The following SLTM variants were observed in gnomAD, a reference collection of about 807,000 sequenced individuals.
SLTM encodes SAFB-like transcription modulator.
SLTM carries 43 observed loss-of-function variants against 134.6 expected under a neutral mutation model. That is an observed-to-expected ratio of 0.32 (90% CI 0.25 to 0.41). SLTM has a LOEUF of 0.41. Among genes scored for constraint, SLTM ranks in the 10% least tolerant of loss-of-function variants. The probability of loss-of-function intolerance (pLI) is 1.00; values close to 1 mark genes in which losing one functional copy is unlikely to be tolerated. For missense variants in SLTM, 1,055 were observed against 1,288.8 expected, an observed-to-expected ratio of 0.82 and a Z score of 2.78; for synonymous variants, 424 against 432.3, an observed-to-expected ratio of 0.98 and a Z score of 0.24.
At chr15:58,883,212 G>A (rs1382262252) in intron 20 of SLTM, among the ~76,000 whole-genome samples, 1 of 152,222 alleles carries the variant, frequency 6.6e-6, no homozygotes, top group African/African-American at 2.4e-5. Context: ...CTACTTGGGA[G>A]GCTGAGATGA....
chr15:58,918,954 G>A lies in SLTM; in HGVS notation c.251-1955C>T, dbSNP rs186258861. Among the ~76,000 whole-genome samples the A allele has an allele frequency of 3.4e-3, 503 of 149,636 alleles. 1 individual carries two copies. The highest frequency in any genetic ancestry group is 5.0e-3 in the Non-Finnish European group (336 of 67,644). ...CCTGAGACAAGAGTCTTGCTCTGTC[G>A]CCCAGGGTGGAAGGCAGTGGCGCAA... On this transcript the variant is annotated intron_variant, in intron 2 of 20. Transcript: ENST00000380516.
intron 9 of SLTM, 83 bp downstream of exon 9, chr15:58,897,032 A>G: frequency 1.3e-6 from 1 of 795,080 alleles, no homozygotes; most frequent in Non-Finnish European, 2.2e-6. Context: ...ATTAGAAGAT[A>G]TTCATGTAAT....
chr15:58,914,553 C>G, intron 3 of SLTM, among the ~76,000 whole-genome samples: 1 of 152,006 alleles, frequency 6.6e-6, no homozygotes, highest in East Asian at 1.9e-4. Context: ...TCTTGTTTGA[C>G]CAAATGTACT....
intron 10 of SLTM, 21 bp from the exon 11 acceptor site, chr15:58,894,214 A>G: frequency 6.4e-7 from 1 of 1,564,104 alleles, no homozygotes; most frequent in Non-Finnish European, 8.8e-7. Context: ...CGAACCAGAA[A>G]AACAATTTGT....
At chr15:58,885,733 G>A (rs770644020) in intron 19 of SLTM, among the ~76,000 whole-genome samples, 1 of 152,012 alleles carries the variant, frequency 6.6e-6, no homozygotes, top group Admixed American at 6.6e-5. Flanking sequence ...GCCGTGAGCC[G>A]AGATCGCACC....
chr15:58,912,319 T>G (rs1344602985), intron 5 of SLTM, among the ~76,000 whole-genome samples: 1 of 152,142 alleles, frequency 6.6e-6, no homozygotes, highest in African/African-American at 2.4e-5. Flanking sequence ...CAGGATGGTC[T>G]CGATCTCCTG....
chr15:58,893,396 TA>T, intron 12 of SLTM, 32 bp from the exon 13 acceptor site: 1 of 1,482,086 alleles, frequency 6.7e-7, no homozygotes. Flanking sequence ...AAACAATGTC[TA>T]AAATTTTTCA....
In SLTM at chr15:58,922,012, C is replaced by T. The variant is rs112788661; in HGVS notation, c.251-5013G>A. On this transcript the variant is annotated intron_variant, in intron 2 of 20. Coordinates refer to ENST00000380516, the MANE Select transcript of SLTM (RefSeq NM_024755.4). ...CTAGTCTCGAACTCCTGACTCCAGC[C>T]GACTATATTGTAATTTCTTATTTTG... Among the ~76,000 whole-genome samples, 1,112 of 151,906 alleles carry T rather than the reference C, an allele frequency of 7.3e-3. 12 individuals carry two copies. Among genetic ancestry groups the T allele is most frequent in the African/African-American group, 0.025 (1,032 of 41,416 alleles).
chr15:58,919,161 C>A (rs2036847902), intron 2 of SLTM, among the ~76,000 whole-genome samples: 1 of 152,216 alleles, frequency 6.6e-6, no homozygotes, highest in Non-Finnish European at 1.5e-5. Context: ...GATCCACCCA[C>A]CTCGGCCTCC....
intron 3 of SLTM, among the ~76,000 whole-genome samples, chr15:58,914,950 T>C (rs1252075546): frequency 2.6e-5 from 4 of 152,170 alleles, no homozygotes; most frequent in African/African-American, 9.7e-5. Context: ...ATTCCTAGCA[T>C]CTTAGGAGGC....
Position 58,899,348 on chromosome 15 carries a change from A to T in SLTM, c.1058+121T>A, listed in dbSNP as rs2035314066. The T allele has an allele frequency of 1.3e-6, 1 of 783,788 alleles. No individual in the cohort carries two copies. Among genetic ancestry groups the T allele is most frequent in the African/African-American group, 1.7e-5 (1 of 57,828 alleles). 48.6% of individuals were successfully genotyped at this position (783,788 alleles called of 1,614,324 possible). A position where few individuals can be genotyped will look rare whatever the true frequency, so the allele number is the denominator to read the frequency against. ...GTAACTTATGACGGTCAAAAATATT[A>T]TAGGCAGGATCATAAGACACTAATT... On this transcript the variant is annotated intron_variant, in intron 7 of 20. Transcript: ENST00000380516. This position sits in a 1 kb window ranked among gnomAD's most constrained non-coding sequence, Gnocchi z 5.0.
At chr15:58,923,787 T>C (rs2037265228) in intron 2 of SLTM, among the ~76,000 whole-genome samples, 2 of 148,858 alleles carry the variant, frequency 1.3e-5, no homozygotes, top group African/African-American at 2.5e-5. Context: ...GTAAGGCAGA[T>C]TGAAGCCAAA....
At chr15:58,907,084 G>T (rs533780485) in intron 5 of SLTM, among the ~76,000 whole-genome samples, 1 of 152,236 alleles carries the variant, frequency 6.6e-6, no homozygotes, top group African/African-American at 2.4e-5. Context: ...ATTGAGTAAG[G>T]TAATGGATAT....
In SLTM at chr15:58,912,565, G is replaced by C. The variant is rs141633562; in HGVS notation, c.559C>G (p.Gln187Glu). The C allele has an allele frequency of 5.0e-4, 803 of 1,612,198 alleles. 9 individuals are homozygous for C. The South Asian group carries it at 7.4e-3, about 15-fold the overall frequency. Residue 187 changes from glutamine to glutamate, a missense_variant and splice_region_variant, in exon 5 of 21, where the codon CAA becomes GAA. Transcript: ENST00000380516. ...CATAGGACTAAATGTAAACTTACTTGGGCTGTTAGAAAGGTATCATCTTCA... is the reference window on the plus strand; with the variant it reads ...CATAGGACTAAATGTAAACTTACTTCGGCTGTTAGAAAGGTATCATCTTCA... ...EGEDDTFLTA[Q>E]DGEEEENEKD...
intron 5 of SLTM, among the ~76,000 whole-genome samples, chr15:58,902,212 T>G (rs1458658018): frequency 6.6e-6 from 1 of 152,142 alleles, no homozygotes; most frequent in Non-Finnish European, 1.5e-5. Flanking sequence ...ATATGCATTA[T>G]AATCTCAATA....
chr15:58,899,523 TTTTC>T lies in SLTM; in HGVS notation c.1000_1003del (p.Glu334ArgfsTer4). The T allele has an allele frequency of 6.2e-7, 1 of 1,614,124 alleles. No homozygotes were observed. The highest frequency in any genetic ancestry group is 8.5e-7 in the Non-Finnish European group (1 of 1,179,980). On this transcript the variant is annotated frameshift_variant, in exon 7 of 21. Transcript: ENST00000380516. LOFTEE classifies it high-confidence loss of function. The surrounding 1 kb of genome is among the most constrained non-coding windows in gnomAD (Gnocchi z 5.0). ...CGAGGGCCCTTTCTTCAAAGTATCC[TTTTC>T]TTTGTCTCCAGATTCTGCTTTCTTA...
At chr15:58,925,359 G>T (rs139585378) in intron 2 of SLTM, among the ~76,000 whole-genome samples, 41 of 151,960 alleles carry the variant, frequency 2.7e-4, no homozygotes, top group African/African-American at 8.9e-4. Context: ...TGTTTTTGTG[G>T]CAGGGTCTTA....
rs747843308 is a variant in SLTM, at chr15:58,887,487, C to G, written c.2429G>C (p.Arg810Pro). 6.2e-7 allele frequency: 1 copy of G among 1,613,904 alleles called. No homozygotes were observed. The highest frequency in any genetic ancestry group is 1.7e-5 in the Admixed American group (1 of 59,972). ...SEGKKARPTA[R>P]REDPSFERYP... is the part of the protein sequence containing the mutation. ...TCTTTCGAAGCTTGGATCTTCCCTT[C>G]GTGCAGTAGGTCGTGCTTTTTTCCC... Residue 810 changes from arginine (R) to proline (P), a missense_variant, in exon 18 of 21, where the codon CGA (arginine) becomes CCA (proline). Coordinates refer to ENST00000380516, the MANE Select transcript of SLTM (RefSeq NM_024755.4).
intron 19 of SLTM, among the ~76,000 whole-genome samples, chr15:58,885,398 A>T (rs1190579036): frequency 6.6e-6 from 1 of 152,210 alleles, no homozygotes; most frequent in African/African-American, 2.4e-5. Flanking sequence ...TCCTCAGGAC[A>T]CATTTTCTAA....
Sources: allele counts gnomAD v4.1 joint callset (sites outside exome capture counted in the v4.1 genomes callset), GRCh38; gene constraint gnomAD v4.1.1; non-coding constraint Gnocchi (gnomAD v3.1); transcripts MANE v1.5; gene names NCBI Gene and HGNC (gene_info 2026-07-23, HGNC 2026-07-21).